The following PRKAG2 variants were observed in gnomAD, a reference collection of about 807,000 sequenced individuals.
The protein encoded by PRKAG2 is 5'-AMP-activated protein kinase subunit gamma-2.
A neutral mutation model predicts 69.6 loss-of-function variants in PRKAG2; 26 were observed. The observed-to-expected ratio is 0.37, with a 90% confidence interval of 0.27 to 0.52. PRKAG2 has a LOEUF of 0.52. PRKAG2 is among the 20% of genes least tolerant of loss of function. The pLI is 0.90. For synonymous variants in PRKAG2, 293 were observed against 285.0 expected (o/e 1.03, Z -0.28); for missense variants, 557 against 740.0 (o/e 0.75, Z 2.87).
intron 1 of PRKAG2, among the ~76,000 whole-genome samples, chr7:151,830,795 G>GT (rs927550377): frequency 2.7e-5 from 4 of 148,610 alleles, no homozygotes; most frequent in African/African-American, 9.8e-5. Context: ...GGCGGGGGGG[G>GT]GTTGTGATGA....
intron 3 of PRKAG2, among the ~76,000 whole-genome samples, chr7:151,751,429 AT>A (rs978707771): frequency 1.3e-5 from 2 of 150,806 alleles, no homozygotes; most frequent in Admixed American, 6.6e-5. Context: ...AAGATGCCAT[AT>A]TTTTTTTACA....
At chr7:151,648,960 C>T (rs537866767) in intron 4 of PRKAG2, among the ~76,000 whole-genome samples, 263 of 151,850 alleles carry the variant, frequency 1.7e-3, no homozygotes, top group African/African-American at 5.9e-3. Context: ...ATAGAGTGTA[C>T]ATCTTCGGAT....
chr7:151,733,798 C>A (rs1392232888), intron 3 of PRKAG2, among the ~76,000 whole-genome samples: 1 of 151,780 alleles, frequency 6.6e-6, no homozygotes, highest in Non-Finnish European at 1.5e-5. Context: ...CAGGCTCAAG[C>A]GATCTTCCCA....
intron 1 of PRKAG2, among the ~76,000 whole-genome samples, chr7:151,805,870 G>C (rs982530543): frequency 3.9e-5 from 6 of 152,204 alleles, no homozygotes; most frequent in Non-Finnish European, 8.8e-5. Flanking sequence ...GCTCAGGAAG[G>C]CAGAATGAAG....
chr7:151,813,071 G>A (rs2078503747), intron 1 of PRKAG2, among the ~76,000 whole-genome samples: 1 of 152,108 alleles, frequency 6.6e-6, no homozygotes, highest in South Asian at 2.1e-4. Flanking sequence ...GGGTGAGTCG[G>A]AGCCTGCCCA....
At chr7:151,664,288 C>T (rs912351839) in intron 4 of PRKAG2, among the ~76,000 whole-genome samples, 2 of 152,178 alleles carry the variant, frequency 1.3e-5, no homozygotes, top group Admixed American at 6.5e-5. Context: ...ACAATTTTAT[C>T]TCATTTGAGC....
intron 3 of PRKAG2, among the ~76,000 whole-genome samples, chr7:151,703,217 C>A (rs10235478): frequency 6.6e-6 from 1 of 152,192 alleles, no homozygotes; most frequent in South Asian, 2.1e-4. Flanking sequence ...AGAGGAAAAG[C>A]GCACCTTCTC....
chr7:151,573,848 G>A (rs56394887), intron 8 of PRKAG2, among the ~76,000 whole-genome samples: 16,447 of 152,110 alleles, frequency 0.11, 1,133 homozygotes, highest in East Asian at 0.27. Context: ...GCGCGATCTC[G>A]GCTCACTGCA....
chr7:151,595,901 G>A (rs1042340760), intron 5 of PRKAG2, among the ~76,000 whole-genome samples: 1 of 152,186 alleles, frequency 6.6e-6, no homozygotes, highest in African/African-American at 2.4e-5. Context: ...CAGGTGCATT[G>A]GCTCACACCT....
intron 3 of PRKAG2, among the ~76,000 whole-genome samples, chr7:151,725,153 C>G (rs577113333): frequency 6.6e-6 from 1 of 152,116 alleles, no homozygotes; most frequent in African/African-American, 2.4e-5. Flanking sequence ...TGTCCATCGA[C>G]GCATGAACAA....
At chr7:151,716,285 G>C (rs1586011117) in intron 3 of PRKAG2, among the ~76,000 whole-genome samples, 2 of 152,212 alleles carry the variant, frequency 1.3e-5, no homozygotes, top group Admixed American at 1.3e-4. Flanking sequence ...GAGTGTGAAA[G>C]TGTTGATTAT....
chr7:151,628,544 C>T (rs1377833644), intron 5 of PRKAG2, among the ~76,000 whole-genome samples: 1 of 152,160 alleles, frequency 6.6e-6, no homozygotes, highest in Non-Finnish European at 1.5e-5. Context: ...GAAACCCCAT[C>T]TCTACTAAAG....
Position 151,828,365 on chromosome 7 carries a change from GCA to G in PRKAG2, c.115-41826_115-41825del, listed in dbSNP as rs1245195045. On this transcript the variant is annotated intron_variant, in intron 1 of 15. Transcript: ENST00000287878. The surrounding 1 kb of genome is among the most constrained non-coding windows in gnomAD (Gnocchi z 4.6). ...TCAGGTCTATGTTGTATTCATCTCT[GCA>G]CAGTTCCTGATAGACAGTGCATGCT... is the stretch of plus-strand genomic sequence containing the variant. 6.6e-6 allele frequency among the ~76,000 whole-genome samples: 1 copy of G among 152,150 alleles called. No homozygotes were observed. Among genetic ancestry groups the G allele is most frequent in the East Asian group, 1.9e-4 (1 of 5,200 alleles).
intron 5 of PRKAG2, among the ~76,000 whole-genome samples, chr7:151,630,215 G>A (rs1419935): frequency 0.058 from 8,754 of 152,014 alleles, 354 homozygotes; most frequent in Middle Eastern, 0.099. Context: ...CATTACATTG[G>A]CAGACACAAT....
intron 1 of PRKAG2, among the ~76,000 whole-genome samples, chr7:151,874,239 A>G (rs1012548811): frequency 1.8e-5 from 2 of 111,504 alleles, no homozygotes; most frequent in African/African-American, 3.8e-5. Context: ...TATATGATGT[A>G]TATGTATATG....
chr7:151,632,786 T>C lies in PRKAG2; in HGVS notation c.685-648A>G, dbSNP rs1825001693. The stretch of plus-strand genomic sequence containing the variant: ...ATCGTTCCGTGGGCTACACGTATTG[T>C]AGATGCACTTTGTCGCTATCCATTT... On this transcript the variant is annotated intron_variant, in intron 4 of 15. Transcript: ENST00000287878. The surrounding 1 kb of genome is among the most constrained non-coding windows in gnomAD (Gnocchi z 4.2). 6.1e-6 allele frequency: 1 copy of C among 163,384 alleles called. No homozygotes were observed. Among genetic ancestry groups the C allele is most frequent in the Admixed American group, 6.5e-5 (1 of 15,268 alleles). The allele number at this position is 163,384 out of a possible 1,614,324, so 10.1% of individuals were successfully genotyped here.
intron 1 of PRKAG2, among the ~76,000 whole-genome samples, chr7:151,833,459 C>T (rs2079082523): frequency 6.6e-6 from 1 of 152,152 alleles, no homozygotes; most frequent in Admixed American, 6.6e-5. Context: ...AGGGAGGGCC[C>T]TGGGGAAGTC....
chr7:151,840,860 G>A (rs1049787661), intron 1 of PRKAG2, among the ~76,000 whole-genome samples: 7 of 152,302 alleles, frequency 4.6e-5, no homozygotes, highest in South Asian at 4.1e-4. Flanking sequence ...AAGTGCTGCC[G>A]GGCACGGTGG....
chr7:151,747,577 A>ACC (rs59026123), intron 3 of PRKAG2, among the ~76,000 whole-genome samples: 14 of 151,822 alleles, frequency 9.2e-5, no homozygotes, highest in African/African-American at 2.4e-4. Context: ...CAACCAACCA[A>ACC]ACAAACAAAA....
Sources: allele counts gnomAD v4.1 joint callset (sites outside exome capture counted in the v4.1 genomes callset), GRCh38; gene constraint gnomAD v4.1.1; non-coding constraint Gnocchi (gnomAD v3.1); transcripts MANE v1.5; gene names NCBI Gene and HGNC (gene_info 2026-07-23, HGNC 2026-07-21).